Variants in RNF2 observed in about 807,000 individuals in gnomAD.
RNF2 encodes the protein E3 ubiquitin-protein ligase RING2.
Under a neutral mutation model 37.2 loss-of-function variants are expected in RNF2, and 6 were observed. The ratio of observed to expected loss-of-function variants is 0.16; its 90% CI spans 0.09 to 0.32. The LOEUF (loss-of-function observed/expected upper bound fraction) is 0.32, where lower values mean the gene tolerates loss of function less well. RNF2 is among the 10% of genes least tolerant of loss of function. The pLI, the probability that RNF2 is intolerant of heterozygous loss-of-function variation, is 1.00. For synonymous variants in RNF2, 133 were observed against 132.7 expected (o/e 1.00, Z -0.02); for missense variants, 251 against 404.0 (o/e 0.62, Z 3.25).
intron 4 of RNF2, among the ~76,000 whole-genome samples, chr1:185,094,923 C>T (rs979090495): frequency 6.6e-6 from 1 of 152,194 alleles, no homozygotes; most frequent in South Asian, 2.1e-4. Flanking sequence ...CAGACTCACT[C>T]AGAAAACTTT....
intron 1 of RNF2, among the ~76,000 whole-genome samples, chr1:185,068,297 GT>G (rs1428195177): frequency 6.6e-6 from 1 of 152,156 alleles, no homozygotes. Context: ...GCTGAAAAAT[GT>G]CCCCCAAAAG....
chr1:185,097,119 T>G (rs1651934734), intron 4 of RNF2, among the ~76,000 whole-genome samples: 1 of 152,206 alleles, frequency 6.6e-6, no homozygotes, highest in Non-Finnish European at 1.5e-5. Context: ...ACCTGAGTTT[T>G]CTTTGCTTTT....
chr1:185,078,629 CA>C (rs1356081638), intron 1 of RNF2, among the ~76,000 whole-genome samples: 1 of 152,160 alleles, frequency 6.6e-6, no homozygotes. Flanking sequence ...CTCACTCCTC[CA>C]CTCATTCCAG....
At chr1:185,048,439 A>G (rs75895512) in intron 1 of RNF2, among the ~76,000 whole-genome samples, 2,350 of 152,276 alleles carry the variant, frequency 0.015, 43 homozygotes, top group African/African-American at 0.053. Flanking sequence ...TATTGCTTAA[A>G]TTTACTTCTC....
At position 185,102,002 on chromosome 1, in the gene RNF2, G is replaced by T. The variant is rs6674345; in HGVS notation, c.*1701G>T. ...CCTGGTTTTGTGATAAAACTGCTTA[G>T]ATTTTGTTGATGACATTAGATTAGT... On this transcript the variant is annotated 3_prime_UTR_variant, in exon 7 of 7. Transcript: ENST00000367510. The T allele has an allele frequency of 5.6e-3, 858 of 152,526 alleles. 11 individuals carry two copies. The highest frequency in any genetic ancestry group is 9.5e-3 in the Non-Finnish European group (645 of 67,960). 9.4% of individuals were successfully genotyped at this position (152,526 alleles called of 1,614,324 possible).
intron 1 of RNF2, among the ~76,000 whole-genome samples, chr1:185,081,775 G>A (rs982422989): frequency 3.3e-5 from 5 of 152,160 alleles, no homozygotes; most frequent in Admixed American, 3.3e-4. Flanking sequence ...TAAGAATTGG[G>A]CCCTTTTTGT....
intron 3 of RNF2, chr1:185,091,958 G>A (rs1351949104): frequency 2.6e-6 from 1 of 391,560 alleles, no homozygotes; most frequent in African/African-American, 2.1e-5. Flanking sequence ...TGGGATTACA[G>A]GCATTGCCAC....
intron 1 of RNF2, 58 bp downstream of exon 1, chr1:185,045,707 C>T (rs1650092056): frequency 6.6e-6 from 1 of 152,244 alleles, no homozygotes; most frequent in Non-Finnish European, 1.5e-5. Flanking sequence ...GGACACGCGT[C>T]TACTCGGCAG....
At chr1:185,055,309 T>C (rs10911672) in intron 1 of RNF2, among the ~76,000 whole-genome samples, 1,927 of 152,344 alleles carry the variant, frequency 0.013, 41 homozygotes, top group African/African-American at 0.044. Flanking sequence ...TTAGCATGAT[T>C]TTTTGAGCAT....
chr1:185,095,984 C>T (rs1053772888), intron 4 of RNF2, among the ~76,000 whole-genome samples: 1 of 152,090 alleles, frequency 6.6e-6, no homozygotes, highest in Non-Finnish European at 1.5e-5. Flanking sequence ...ATATAATAGA[C>T]TTAATGTTCT....
chr1:185,048,006 C>T (rs184833278), intron 1 of RNF2, among the ~76,000 whole-genome samples: 4 of 152,296 alleles, frequency 2.6e-5, no homozygotes, highest in Non-Finnish European at 4.4e-5. Flanking sequence ...AGCATTTACA[C>T]AGTCCATTCC....
At chr1:185,047,620 G>T (rs925715955) in intron 1 of RNF2, among the ~76,000 whole-genome samples, 1 of 152,172 alleles carries the variant, frequency 6.6e-6, no homozygotes, top group African/African-American at 2.4e-5. Flanking sequence ...TAGCAAAGAA[G>T]CATAATTTCT....
chr1:185,048,034 C>G (rs1350129926), intron 1 of RNF2, among the ~76,000 whole-genome samples: 1 of 152,052 alleles, frequency 6.6e-6, no homozygotes, highest in African/African-American at 2.4e-5. Context: ...TCCAGATATC[C>G]TGACTGTTTG....
intron 2 of RNF2, among the ~76,000 whole-genome samples, chr1:185,089,107 C>T (rs1651690596): frequency 6.6e-6 from 1 of 152,170 alleles, no homozygotes; most frequent in South Asian, 2.1e-4. Flanking sequence ...CTCAGATCAT[C>T]AGGCATTAGA....
At chr1:185,047,976 T>C (rs1299461785) in intron 1 of RNF2, among the ~76,000 whole-genome samples, 1 of 152,196 alleles carries the variant, frequency 6.6e-6, no homozygotes, top group Non-Finnish European at 1.5e-5. Flanking sequence ...CCCATATAAT[T>C]TGGGGTACAA....
chr1:185,099,775 TG>T lies in RNF2; in HGVS notation c.738-15del, dbSNP rs781296948. 6.3e-7 allele frequency: 1 copy of T among 1,590,636 alleles called. No homozygotes were observed. Among genetic ancestry groups the T allele is most frequent in the Non-Finnish European group, 8.5e-7 (1 of 1,170,108 alleles). On this transcript the variant is annotated splice_polypyrimidine_tract_variant and intron_variant, in intron 5 of 6. Coordinates refer to ENST00000367510, the MANE Select transcript of RNF2 (RefSeq NM_007212.4). ...CATATTCTAGAAATGAAATTTTTAATGATTTATTCTTCTAGATACATAAAGA... is the reference window on the plus strand; with the variant it reads ...CATATTCTAGAAATGAAATTTTTAATATTTATTCTTCTAGATACATAAAGA...
chr1:185,081,985 G>A (rs553306642), intron 1 of RNF2, among the ~76,000 whole-genome samples: 1 of 152,280 alleles, frequency 6.6e-6, no homozygotes, highest in African/African-American at 2.4e-5. Flanking sequence ...AGCTTTGGAA[G>A]TGCTTCAGTC....
At chr1:185,058,642 T>A (rs1553239131) in intron 1 of RNF2, among the ~76,000 whole-genome samples, 1 of 152,256 alleles carries the variant, frequency 6.6e-6, no homozygotes, top group Non-Finnish European at 1.5e-5. Context: ...TTTTGCTACT[T>A]TAACTACTTA....
At chr1:185,076,368 G>A (rs1313795859) in intron 1 of RNF2, among the ~76,000 whole-genome samples, 1 of 130,306 alleles carries the variant, frequency 7.7e-6, no homozygotes, top group East Asian at 2.4e-4. Flanking sequence ...TTGGCTCACT[G>A]CAACCTCCGT....
Sources: gnomAD v4.1 joint callset for allele counts (sites outside exome capture counted in the v4.1 genomes callset) on GRCh38, gnomAD v4.1.1 for gene constraint, MANE v1.5 for transcripts, NCBI Gene and HGNC (gene_info 2026-07-23, HGNC 2026-07-21) for gene names.